Variants in PARD3 observed in about 807,000 individuals in gnomAD.
PARD3 encodes the protein par-3 family cell polarity regulator, also known as partitioning defective 3 homolog.
A neutral mutation model predicts 155.4 loss-of-function variants in PARD3; 75 were observed. That is an observed-to-expected ratio of 0.48 (90% CI 0.40 to 0.58). PARD3 has a LOEUF of 0.58. Among genes scored for constraint, PARD3 ranks in the 20% least tolerant of loss-of-function variants. The probability of loss-of-function intolerance (pLI) is 0.00; values close to 1 mark genes in which losing one functional copy is unlikely to be tolerated. For missense variants in PARD3, 1,642 were observed against 1,721.7 expected, an observed-to-expected ratio of 0.95 and a Z score of 0.82; for synonymous variants, 576 against 610.5, an observed-to-expected ratio of 0.94 and a Z score of 0.83.
chr10:34,713,287 T>C (rs1336161988), intron 1 of PARD3, among the ~76,000 whole-genome samples: 7 of 152,100 alleles, frequency 4.6e-5, no homozygotes, highest in Non-Finnish European at 8.8e-5. Flanking sequence ...AAAAACCTTT[T>C]CTTCTTAGAA....
chr10:34,594,030 T>C (rs117586216), intron 2 of PARD3, among the ~76,000 whole-genome samples: 4,973 of 152,296 alleles, frequency 0.033, 135 homozygotes, highest in Non-Finnish European at 0.05. Context: ...GCTAACCCAT[T>C]TTTCATAGAT....
At chr10:34,292,417 C>T (rs765832662) in intron 20 of PARD3, among the ~76,000 whole-genome samples, 4 of 152,072 alleles carry the variant, frequency 2.6e-5, no homozygotes, top group Non-Finnish European at 4.4e-5. Flanking sequence ...GATGAATCAG[C>T]GAAGAGGAGG....
At chr10:34,291,098 A>G (rs1956655260) in intron 20 of PARD3, among the ~76,000 whole-genome samples, 1 of 152,178 alleles carries the variant, frequency 6.6e-6, no homozygotes, top group Non-Finnish European at 1.5e-5. Context: ...TCCCTCAACC[A>G]ATTACCCTGG....
intron 18 of PARD3, among the ~76,000 whole-genome samples, chr10:34,332,633 A>G (rs1376381590): frequency 6.6e-6 from 1 of 152,224 alleles, no homozygotes; most frequent in Non-Finnish European, 1.5e-5. Flanking sequence ...ATTTTGGGTA[A>G]GAATAGATAT....
intron 18 of PARD3, among the ~76,000 whole-genome samples, chr10:34,334,346 C>CAAAAA (rs34205005): frequency 3.7e-4 from 35 of 94,920 alleles, no homozygotes; most frequent in East Asian, 1.9e-3. Flanking sequence ...TCCCTCTTGC[C>CAAAAA]AAAAAAAAAA....
intron 5 of PARD3, among the ~76,000 whole-genome samples, chr10:34,435,946 C>G (rs934262826): frequency 6.6e-6 from 1 of 152,120 alleles, no homozygotes. Context: ...TTTCTGTCCC[C>G]GTCATTCTAC....
intron 22 of PARD3, among the ~76,000 whole-genome samples, chr10:34,215,035 G>A (rs1951936897): frequency 1.3e-5 from 2 of 152,124 alleles, no homozygotes. Flanking sequence ...TGGCATTCCG[G>A]GCATCTTGCA....
intron 3 of PARD3, among the ~76,000 whole-genome samples, chr10:34,483,239 T>C (rs1365810318): frequency 6.6e-6 from 1 of 152,046 alleles, no homozygotes; most frequent in African/African-American, 2.4e-5. Flanking sequence ...AAAGACACTT[T>C]GGGAGGCTGA....
At chr10:34,687,826 C>T (rs550234460) in intron 2 of PARD3, among the ~76,000 whole-genome samples, 1 of 142,962 alleles carries the variant, frequency 7.0e-6, no homozygotes, top group East Asian at 2.1e-4. Context: ...TCCACATGCC[C>T]GGTCAGTTAC....
chr10:34,521,234 A>G (rs2082125487), intron 2 of PARD3, among the ~76,000 whole-genome samples: 2 of 152,186 alleles, frequency 1.3e-5, no homozygotes, highest in Admixed American at 6.5e-5. Context: ...CCAATAACAT[A>G]CAATTGCACA....
At chr10:34,404,380 G>A (rs1409976308) in intron 5 of PARD3, among the ~76,000 whole-genome samples, 1 of 152,156 alleles carries the variant, frequency 6.6e-6, no homozygotes, top group African/African-American at 2.4e-5. Context: ...GAACTATACA[G>A]TACTGGCCGG....
chr10:34,726,429 T>C (rs916326877), intron 1 of PARD3, among the ~76,000 whole-genome samples: 1 of 152,140 alleles, frequency 6.6e-6, no homozygotes, highest in Non-Finnish European at 1.5e-5. Flanking sequence ...CTACTAAAAA[T>C]ACAAAAATTA....
At chr10:34,715,109 G>A (rs1159448530) in intron 1 of PARD3, among the ~76,000 whole-genome samples, 12 of 136,010 alleles carry the variant, frequency 8.8e-5, no homozygotes, top group South Asian at 2.4e-4. Flanking sequence ...ACAAGGTCTC[G>A]CTCTGTCACC....
chr10:34,519,943 C>T (rs1222116008), intron 2 of PARD3, among the ~76,000 whole-genome samples: 1 of 152,010 alleles, frequency 6.6e-6, no homozygotes, highest in Non-Finnish European at 1.5e-5. Context: ...TGGCTGCCAC[C>T]TTGGAGCTTC....
chr10:34,814,184 C>T (rs955347486), intron 1 of PARD3, among the ~76,000 whole-genome samples: 1 of 152,200 alleles, frequency 6.6e-6, no homozygotes, highest in East Asian at 1.9e-4. Context: ...GTGGGATCAG[C>T]TCAGTAAATG....
At chr10:34,225,419 C>A (rs1365631376) in intron 22 of PARD3, among the ~76,000 whole-genome samples, 1 of 151,734 alleles carries the variant, frequency 6.6e-6, no homozygotes, top group Non-Finnish European at 1.5e-5. Flanking sequence ...GATCTCGGCT[C>A]ACTGCAACCT....
chr10:34,171,178 A>C (rs1210138279), intron 22 of PARD3, among the ~76,000 whole-genome samples: 1 of 152,224 alleles, frequency 6.6e-6, no homozygotes, highest in Non-Finnish European at 1.5e-5. Flanking sequence ...TGAATGTATA[A>C]TTTGACAAGC....
At chr10:34,281,103 G>A (rs913100389) in intron 21 of PARD3, among the ~76,000 whole-genome samples, 12 of 150,870 alleles carry the variant, frequency 8.0e-5, no homozygotes, top group African/African-American at 2.2e-4. Flanking sequence ...CTATCACGGG[G>A]CTTTGTATGG....
chr10:34,212,347 C>T (rs569741274), intron 22 of PARD3, among the ~76,000 whole-genome samples: 4 of 152,272 alleles, frequency 2.6e-5, no homozygotes, highest in African/African-American at 9.6e-5. Context: ...GTTGTCAACA[C>T]CTCTCTAAGC....
Sources: gnomAD v4.1 joint callset for allele counts (sites outside exome capture counted in the v4.1 genomes callset) on GRCh38, gnomAD v4.1.1 for gene constraint, MANE v1.5 for transcripts, NCBI Gene and HGNC (gene_info 2026-07-23, HGNC 2026-07-21) for gene names.